Variants in TMEM276 observed in about 807,000 individuals in gnomAD.
TMEM276 encodes transmembrane protein 276.
At chr8:144,466,574 G>T in the TMEM276 span, 6 of 1,002,090 alleles carry the variant, frequency 6.0e-6, no homozygotes, top group Admixed American at 1.8e-4. Flanking sequence ...CCACCCCCAC[G>T]CCGAGGTTCC....
At chr8:144,465,462 G>A in the TMEM276 span, 8 of 995,770 alleles carry the variant, frequency 8.0e-6, no homozygotes, top group South Asian at 4.2e-5. Context: ...TTGCGGGAGC[G>A]AGCGCGGTCG....
chr8:144,465,396 C>T, the TMEM276 span: 10 of 1,025,108 alleles, frequency 9.8e-6, no homozygotes, highest in South Asian at 3.4e-5. Flanking sequence ...GAGGCCCGAG[C>T]CTGCGCAACG....
the TMEM276 span, chr8:144,464,798 A>G: frequency 6.2e-7 from 1 of 1,612,444 alleles, no homozygotes; most frequent in South Asian, 1.1e-5. Flanking sequence ...GCTCAGCCCC[A>G]GTGTACTCAC....
At chr8:144,464,675 G>C in the TMEM276 span, 4 of 1,571,610 alleles carry the variant, frequency 2.5e-6, no homozygotes, top group Non-Finnish European at 3.4e-6. Context: ...TTTTAAACAG[G>C]AAAGGGTTTG....
At chr8:144,465,360 C>T in the TMEM276 span, 1 of 1,068,048 alleles carries the variant, frequency 9.4e-7, no homozygotes, top group Non-Finnish European at 1.1e-6. Context: ...TACCGGGCTG[C>T]GCGGTCCCAA....
the TMEM276 span, chr8:144,466,543 C>A: frequency 8.8e-7 from 1 of 1,140,472 alleles, no homozygotes; most frequent in Non-Finnish European, 1.1e-6. Context: ...CCGTGCAGCC[C>A]GTCGTCTCCC....
the TMEM276 span, chr8:144,466,969 G>A: frequency 3.6e-5 from 58 of 1,594,904 alleles, no homozygotes; most frequent in Non-Finnish European, 4.4e-5. Flanking sequence ...CCAGCTCCGA[G>A]CCTGAGGATG....
the TMEM276 span, chr8:144,464,265 A>ACCCAGCATCGCCCCC: frequency 6.2e-7 from 1 of 1,612,944 alleles, no homozygotes; most frequent in Non-Finnish European, 8.5e-7. Flanking sequence ...GGCCTGCCAC[A>ACCCAGCATCGCCCCC]CCCAGCATCG....
chr8:144,465,648 G>A, the TMEM276 span: 1 of 141,028 alleles, frequency 7.1e-6, no homozygotes, highest in Non-Finnish European at 1.5e-5. Context: ...CTCTGTTTGG[G>A]TGGGTGCGTG....
At chr8:144,464,314 G>C in the TMEM276 span, 3 of 1,612,938 alleles carry the variant, frequency 1.9e-6, no homozygotes, top group Admixed American at 3.3e-5. Flanking sequence ...CGTGAAGACA[G>C]CTACAATGAG....
the TMEM276 span, chr8:144,465,164 G>A: frequency 2.9e-6 from 4 of 1,368,728 alleles, no homozygotes; most frequent in African/African-American, 4.4e-5. Flanking sequence ...AAGCTGGGGG[G>A]AACGTCAGCC....
the TMEM276 span, chr8:144,464,434 T>C: frequency 3.1e-6 from 5 of 1,612,202 alleles, no homozygotes; most frequent in Non-Finnish European, 4.2e-6. Flanking sequence ...CAGGAGCAGG[T>C]TGGCAGAGGA....
At chr8:144,464,136 C>T in the TMEM276 span, 8 of 1,608,892 alleles carry the variant, frequency 5.0e-6, no homozygotes, top group African/African-American at 1.1e-4. Context: ...GTCACTCCCA[C>T]TGGAGGCGCT....
At chr8:144,463,912 C>T in the TMEM276 span, 18 of 1,415,518 alleles carry the variant, frequency 1.3e-5, no homozygotes, top group Non-Finnish European at 1.6e-5. Context: ...GACCCCCAAA[C>T]GTGTCTGGGA....
At chr8:144,464,274 C>T in the TMEM276 span, 1 of 1,613,224 alleles carries the variant, frequency 6.2e-7, no homozygotes, top group Non-Finnish European at 8.5e-7. Flanking sequence ...CACCCAGCAT[C>T]GCCCCCCCCC....
At chr8:144,466,708 G>A in the TMEM276 span, 2 of 1,415,344 alleles carry the variant, frequency 1.4e-6, no homozygotes, top group Non-Finnish European at 9.4e-7. Context: ...GAGGGAAGGG[G>A]CCAGCAGGCT....
At chr8:144,464,704 G>A in the TMEM276 span, 1 of 1,576,578 alleles carries the variant, frequency 6.3e-7, no homozygotes, top group South Asian at 1.1e-5. Context: ...ATGGAGACCT[G>A]GTCTTAGACG....
the TMEM276 span, chr8:144,466,248 G>A: frequency 2.5e-5 from 5 of 199,778 alleles, no homozygotes; most frequent in Non-Finnish European, 5.0e-5. Flanking sequence ...TGCGGCCGCG[G>A]GCACCTGTTT....
chr8:144,464,571 C>A, the TMEM276 span: 1 of 1,611,096 alleles, frequency 6.2e-7, no homozygotes. Context: ...TGGTGGCAGC[C>A]AAGACCTGGA....
Sources: gnomAD v4.1 joint callset for allele counts on GRCh38, gnomAD v4.1.1 for gene constraint, MANE v1.5 for transcripts, NCBI Gene and HGNC (gene_info 2026-07-23, HGNC 2026-07-21) for gene names.